POLR3B: variants seen among roughly 807,000 people sequenced by gnomAD.
The protein encoded by POLR3B is DNA-directed RNA polymerase III subunit RPC2.
POLR3B carries 96 observed loss-of-function variants against 147.4 expected under a neutral mutation model. The ratio of observed to expected loss-of-function variants is 0.65; its 90% CI spans 0.55 to 0.77. POLR3B has a LOEUF of 0.77. POLR3B is among the 30% of genes least tolerant of loss of function. POLR3B has a pLI of 0.00. For synonymous variants in POLR3B, 461 were observed against 485.9 expected, an observed-to-expected ratio of 0.95 and a Z score of 0.67; for missense variants, 1,036 against 1,413.5, an observed-to-expected ratio of 0.73 and a Z score of 4.28.
chr12:106,452,247 T>C (rs1388308104), intron 19 of POLR3B, among the ~76,000 whole-genome samples: 1 of 152,242 alleles, frequency 6.6e-6, no homozygotes, highest in Non-Finnish European at 1.5e-5. Context: ...ACACCCATAG[T>C]CAGTGCTGCT....
intron 1 of POLR3B, chr12:106,358,246 T>C: frequency 7.4e-7 from 1 of 1,359,542 alleles, no homozygotes; most frequent in Non-Finnish European, 9.5e-7. Flanking sequence ...GGACTGACCC[T>C]CGCACTTACT....
intron 1 of POLR3B, among the ~76,000 whole-genome samples, chr12:106,361,166 G>A (rs2036464675): frequency 1.3e-5 from 2 of 152,222 alleles, no homozygotes. Flanking sequence ...TTAGTGCTGA[G>A]CATTGAAAGG....
intron 6 of POLR3B, among the ~76,000 whole-genome samples, chr12:106,372,329 G>T (rs2036617741): frequency 1.1e-5 from 1 of 87,118 alleles, no homozygotes; most frequent in Admixed American, 1.4e-4. Flanking sequence ...TTTTGTGTGT[G>T]TGTGTTTTTT....
intron 12 of POLR3B, among the ~76,000 whole-genome samples, chr12:106,421,421 G>A (rs959267907): frequency 1.3e-5 from 2 of 152,072 alleles, no homozygotes; most frequent in South Asian, 2.1e-4. Flanking sequence ...GATGAGCTCC[G>A]TCCCATGACT....
Position 106,393,022 on chromosome 12 carries a change from C to A in POLR3B, c.724-9C>A. 1 of 1,614,048 alleles carries A rather than the reference C, an allele frequency of 6.2e-7. No homozygotes were observed. The highest frequency in any genetic ancestry group is 8.5e-7 in the Non-Finnish European group (1 of 1,179,930). On this transcript the variant is annotated splice_polypyrimidine_tract_variant and intron_variant, in intron 9 of 27. Coordinates refer to ENST00000228347, the MANE Select transcript of POLR3B (RefSeq NM_018082.6). The stretch of plus-strand genomic sequence containing the variant: ...CCAACACTCTTTCTATCTTTTCTTT[C>A]CTTCCTAGGCCATGGGTGTTGAGAG...
chr12:106,425,770 A>G (rs2037426621), intron 12 of POLR3B, among the ~76,000 whole-genome samples: 1 of 152,102 alleles, frequency 6.6e-6, no homozygotes, highest in Non-Finnish European at 1.5e-5. Context: ...AAGTCCTTAA[A>G]ATTTTAGCTG....
intron 16 of POLR3B, among the ~76,000 whole-genome samples, chr12:106,435,822 C>G (rs544828227): frequency 6.6e-6 from 1 of 152,146 alleles, no homozygotes; most frequent in Non-Finnish European, 1.5e-5. Flanking sequence ...TCATTACATC[C>G]AACATAATAT....
chr12:106,429,706 A>C (rs917657099), intron 13 of POLR3B, among the ~76,000 whole-genome samples: 1 of 152,302 alleles, frequency 6.6e-6, no homozygotes, highest in Admixed American at 6.5e-5. Flanking sequence ...TAATATGAAT[A>C]TATGTACTAT....
rs768940048 is a variant in POLR3B at position 106,428,519 on chromosome 12, C to T, written c.1263+1161C>T. ...GCCCTCTTGTCTGTTTCTCGTCTCTCCCTTTTGTAATACTCCTACAGAATA... is the reference window on the plus strand; with the variant it reads ...GCCCTCTTGTCTGTTTCTCGTCTCTTCCTTTTGTAATACTCCTACAGAATA... On this transcript the variant is annotated intron_variant, in intron 13 of 27. Coordinates refer to ENST00000228347, the MANE Select transcript of POLR3B (RefSeq NM_018082.6). 6.6e-5 allele frequency among the ~76,000 whole-genome samples: 10 copies of T among 152,282 alleles called. 1 individual carries two copies. The highest frequency in any genetic ancestry group is 3.4e-3 in the Middle Eastern group (1 of 294).
chr12:106,404,572 A>C (rs1187615493), intron 10 of POLR3B, among the ~76,000 whole-genome samples: 1 of 152,080 alleles, frequency 6.6e-6, no homozygotes, highest in Non-Finnish European at 1.5e-5. Context: ...TTCTCTGTGA[A>C]GTGTGAGCCA....
At chr12:106,383,388 T>G (rs943283402) in intron 9 of POLR3B, among the ~76,000 whole-genome samples, 2 of 152,236 alleles carry the variant, frequency 1.3e-5, no homozygotes, top group African/African-American at 4.8e-5. Flanking sequence ...TTGGCCTGTC[T>G]CAGCTTTTGA....
intron 23 of POLR3B, among the ~76,000 whole-genome samples, chr12:106,479,945 C>G (rs1041352096): frequency 2.6e-5 from 4 of 151,316 alleles, no homozygotes; most frequent in African/African-American, 9.7e-5. Flanking sequence ...TCCTGAGTAG[C>G]TGCACTACAG....
chr12:106,400,307 A>G (rs1171357920), intron 10 of POLR3B, among the ~76,000 whole-genome samples: 1 of 152,232 alleles, frequency 6.6e-6, no homozygotes, highest in Admixed American at 6.5e-5. Context: ...ATATGCACCC[A>G]ATATAGGAGC....
intron 19 of POLR3B, among the ~76,000 whole-genome samples, chr12:106,445,638 A>T (rs1439449442): frequency 1.3e-5 from 2 of 152,210 alleles, no homozygotes; most frequent in Non-Finnish European, 2.9e-5. Flanking sequence ...GAAATGTTTT[A>T]AAAAATCATT....
chr12:106,413,469 C>T (rs1219881873), intron 12 of POLR3B, among the ~76,000 whole-genome samples: 1 of 152,030 alleles, frequency 6.6e-6, no homozygotes, highest in Non-Finnish European at 1.5e-5. Flanking sequence ...GGGTTCATGC[C>T]ATGTACCTTA....
intron 10 of POLR3B, among the ~76,000 whole-genome samples, chr12:106,395,870 T>A (rs566987804): frequency 8.8e-4 from 134 of 152,174 alleles, no homozygotes; most frequent in Non-Finnish European, 1.7e-3. Flanking sequence ...CTCGGGAGGC[T>A]GAATCAGGAG....
intron 11 of POLR3B, among the ~76,000 whole-genome samples, chr12:106,407,235 G>A (rs1565886997): frequency 6.6e-6 from 1 of 152,188 alleles, no homozygotes; most frequent in Admixed American, 6.5e-5. Context: ...AGGCTTTTGA[G>A]CCTGAGACGT....
chr12:106,382,303 T>G (rs1347048986), intron 9 of POLR3B, among the ~76,000 whole-genome samples: 1 of 152,214 alleles, frequency 6.6e-6, no homozygotes, highest in Non-Finnish European at 1.5e-5. Context: ...TGAAGCTCCA[T>G]CTTCCATAAC....
intron 10 of POLR3B, among the ~76,000 whole-genome samples, chr12:106,397,793 G>A (rs753834793): frequency 8.5e-5 from 13 of 152,180 alleles, no homozygotes; most frequent in Non-Finnish European, 1.9e-4. Context: ...GACTGTATAA[G>A]CAAATCTTTG....
Sources: gnomAD v4.1 joint callset for allele counts (sites outside exome capture counted in the v4.1 genomes callset) on GRCh38, gnomAD v4.1.1 for gene constraint, MANE v1.5 for transcripts, NCBI Gene and HGNC (gene_info 2026-07-23, HGNC 2026-07-21) for gene names.